TMCC1: variants seen among roughly 807,000 people sequenced by gnomAD.
TMCC1 encodes transmembrane and coiled-coil domains protein 1.
A neutral mutation model predicts 52.4 loss-of-function variants in TMCC1; 15 were observed. That is an observed-to-expected ratio of 0.29 (90% CI 0.19 to 0.44). The LOEUF is 0.44. Among genes scored for constraint, TMCC1 ranks in the 20% least tolerant of loss-of-function variants. The probability of loss-of-function intolerance (pLI) is 1.00; values close to 1 mark genes in which losing one functional copy is unlikely to be tolerated. For synonymous variants in TMCC1, 279 were observed against 301.9 expected (o/e 0.92, Z 0.79); for missense variants, 503 against 806.0 (o/e 0.62, Z 4.55).
At chr3:129,752,970 G>A (rs1193607325) in intron 4 of TMCC1, among the ~76,000 whole-genome samples, 1 of 152,044 alleles carries the variant, frequency 6.6e-6, no homozygotes, top group African/African-American at 2.4e-5. Flanking sequence ...GAGAGAAGGG[G>A]GAGGTGCCAC....
intron 4 of TMCC1, among the ~76,000 whole-genome samples, chr3:129,717,129 CATAAAG>C (rs1338118963): frequency 2.6e-5 from 4 of 152,192 alleles, no homozygotes; most frequent in Non-Finnish European, 4.4e-5. Flanking sequence ...CAGTGTAACT[CATAAAG>C]ATTATTCAAA....
intron 4 of TMCC1, among the ~76,000 whole-genome samples, chr3:129,773,397 A>AG (rs2054771976): frequency 6.6e-6 from 1 of 152,200 alleles, no homozygotes; most frequent in Non-Finnish European, 1.5e-5. Context: ...AAGCAAAGCT[A>AG]GGGGGAAAAA....
At chr3:129,671,805 G>A (rs954440779) in intron 4 of TMCC1, among the ~76,000 whole-genome samples, 2 of 152,192 alleles carry the variant, frequency 1.3e-5, no homozygotes, top group African/African-American at 4.8e-5. Context: ...TCCAAATCAT[G>A]TCAAGGGTGA....
chr3:129,820,600 GT>G (rs2058368537), intron 4 of TMCC1, among the ~76,000 whole-genome samples: 1 of 145,534 alleles, frequency 6.9e-6, no homozygotes, highest in Admixed American at 6.8e-5. Context: ...CCAGACAACC[GT>G]TTAGGGAGAA....
chr3:129,832,589 A>G (rs181766836), intron 3 of TMCC1, among the ~76,000 whole-genome samples, 185 bp downstream of exon 3: 2 of 152,374 alleles, frequency 1.3e-5, no homozygotes, highest in African/African-American at 4.8e-5. Flanking sequence ...TTTAAAATCT[A>G]TCAACCATTT....
intron 4 of TMCC1, among the ~76,000 whole-genome samples, chr3:129,797,905 C>T (rs185970713): frequency 4.0e-5 from 6 of 151,450 alleles, no homozygotes; most frequent in Admixed American, 2.0e-4. Flanking sequence ...GTTCAGAGAA[C>T]ACAATATAAC....
chr3:129,744,860 A>G (rs1478649436), intron 4 of TMCC1, among the ~76,000 whole-genome samples: 1 of 152,220 alleles, frequency 6.6e-6, no homozygotes, highest in African/African-American at 2.4e-5. Context: ...TTTCAAATCC[A>G]CGGTTTTCAG....
chr3:129,680,483 G>A (rs2088871754), intron 4 of TMCC1, among the ~76,000 whole-genome samples: 1 of 152,200 alleles, frequency 6.6e-6, no homozygotes, highest in Admixed American at 6.5e-5. Flanking sequence ...ATAAGCAGCA[G>A]AGTCAGGATT....
intron 4 of TMCC1, among the ~76,000 whole-genome samples, chr3:129,707,704 C>T (rs1175114219): frequency 3.9e-5 from 6 of 152,170 alleles, no homozygotes; most frequent in South Asian, 2.1e-4. Context: ...GAGGCCGAGG[C>T]GGGCGGATCG....
At chr3:129,761,888 G>A (rs564268738) in intron 4 of TMCC1, among the ~76,000 whole-genome samples, 7 of 151,162 alleles carry the variant, frequency 4.6e-5, no homozygotes, top group African/African-American at 7.3e-5. Flanking sequence ...CTACTTGGGC[G>A]GCTGAGGCAG....
intron 4 of TMCC1, among the ~76,000 whole-genome samples, chr3:129,820,228 T>A (rs998384203): frequency 6.6e-6 from 1 of 151,478 alleles, no homozygotes; most frequent in Non-Finnish European, 1.5e-5. Context: ...TGTGTAAACA[T>A]GGTAAGTCAT....
intron 4 of TMCC1, among the ~76,000 whole-genome samples, chr3:129,826,291 C>G (rs1393478000): frequency 6.8e-6 from 1 of 147,852 alleles, no homozygotes; most frequent in East Asian, 2.0e-4. Flanking sequence ...CACTTGAACT[C>G]AGGAGTTTGA....
At chr3:129,809,805 C>T (rs1242847569) in intron 4 of TMCC1, among the ~76,000 whole-genome samples, 3 of 152,174 alleles carry the variant, frequency 2.0e-5, no homozygotes, top group African/African-American at 7.2e-5. Flanking sequence ...TCAGTAGTAG[C>T]CAATTCTTTT....
At chr3:129,816,449 T>C (rs2058101216) in intron 4 of TMCC1, among the ~76,000 whole-genome samples, 1 of 152,088 alleles carries the variant, frequency 6.6e-6, no homozygotes, top group South Asian at 2.1e-4. Flanking sequence ...TGGATGGAAA[T>C]GGAACTCATT....
In TMCC1 at chr3:129,850,946, T is replaced by C. The variant is rs571554056; in HGVS notation, c.-183-18120A>G. On this transcript the variant is annotated intron_variant, in intron 2 of 6. Transcript: ENST00000393238. ...TGGTTTAAGAATGCCTTTAAGCGGT[T>C]TTCTGCCTTGGGTGGGCCAGGTGTT... Among the ~76,000 whole-genome samples the C allele has an allele frequency of 1.2e-3, 162 of 139,918 alleles. 2 individuals are homozygous for C. Among genetic ancestry groups the C allele is most frequent in the Non-Finnish European group, 1.1e-4 (7 of 61,862 alleles). The allele number at this position is 139,918 out of a possible 152,430, so 91.8% of individuals were successfully genotyped here.
At chr3:129,787,853 C>T (rs573107212) in intron 4 of TMCC1, among the ~76,000 whole-genome samples, 10 of 152,266 alleles carry the variant, frequency 6.6e-5, no homozygotes, top group African/African-American at 2.2e-4. Flanking sequence ...GATTATTTTT[C>T]AGCTACTAAA....
At chr3:129,892,502 C>T (rs1330166753) in intron 1 of TMCC1, 1 of 152,012 alleles carries the variant, frequency 6.6e-6, no homozygotes, top group African/African-American at 2.4e-5. Context: ...TATTTTAAAG[C>T]AGCTATCTGA....
rs563704806 is a variant in TMCC1 at position 129,770,705 on chromosome 3, T to C, written c.576+57098A>G. Among the ~76,000 whole-genome samples, 44 of 152,296 alleles carry C rather than the reference T, an allele frequency of 2.9e-4. 1 individual carries two copies. In the South Asian group the frequency reaches 8.7e-3, roughly 30 times the overall value. On this transcript the variant is annotated intron_variant, in intron 4 of 6. Transcript: ENST00000393238. ...AGACTACAAAAACACTCCTAAACCA[T>C]AGATTTTAATTCTAAAACATCATCC...
chr3:129,655,445 G>C (rs1181437520), intron 5 of TMCC1, among the ~76,000 whole-genome samples: 1 of 152,094 alleles, frequency 6.6e-6, no homozygotes, highest in Non-Finnish European at 1.5e-5. Flanking sequence ...AAAAACTAGG[G>C]TACAATTAAG....
Sources: gnomAD v4.1 joint callset for allele counts (sites outside exome capture counted in the v4.1 genomes callset) on GRCh38, gnomAD v4.1.1 for gene constraint, MANE v1.5 for transcripts, NCBI Gene and HGNC (gene_info 2026-07-23, HGNC 2026-07-21) for gene names.